KLF13: variants seen among roughly 807,000 people sequenced by gnomAD.
The protein encoded by KLF13 is Krueppel-like factor 13.
KLF13 carries 8 observed loss-of-function variants against 16.7 expected under a neutral mutation model. The ratio of observed to expected loss-of-function variants is 0.48; its 90% CI spans 0.28 to 0.87. The LOEUF (loss-of-function observed/expected upper bound fraction) is 0.87, where lower values mean the gene tolerates loss of function less well. KLF13 is among the 40% of genes least tolerant of loss of function. The pLI is 0.10. For synonymous variants in KLF13, 245 were observed against 208.4 expected (o/e 1.18, Z -1.51); for missense variants, 447 against 452.2 (o/e 0.99, Z 0.10).
At chr15:31,410,251 T>C (rs2040175806) in intron 1 of KLF13, among the ~76,000 whole-genome samples, 1 of 151,634 alleles carries the variant, frequency 6.6e-6, no homozygotes, top group Admixed American at 6.6e-5. Context: ...GAGTTATAAA[T>C]AATAAGGCAA....
chr15:31,425,312 C>A (rs2040387754), intron 1 of KLF13, among the ~76,000 whole-genome samples: 1 of 152,046 alleles, frequency 6.6e-6, no homozygotes, highest in South Asian at 2.1e-4. Flanking sequence ...CCTAAAGAAT[C>A]CTAAGGAATA....
At chr15:31,418,580 T>G (rs2040284258) in intron 1 of KLF13, among the ~76,000 whole-genome samples, 1 of 152,092 alleles carries the variant, frequency 6.6e-6, no homozygotes, top group African/African-American at 2.4e-5. Flanking sequence ...ATATGAAAAG[T>G]AGAGGACATA....
At chr15:31,336,428 T>C (rs1216286093) in intron 1 of KLF13, among the ~76,000 whole-genome samples, 1 of 152,136 alleles carries the variant, frequency 6.6e-6, no homozygotes, top group African/African-American at 2.4e-5. Flanking sequence ...CTAACAGGTA[T>C]GCATGGGTTA....
intron 1 of KLF13, among the ~76,000 whole-genome samples, chr15:31,355,964 C>T (rs187431999): frequency 6.6e-6 from 1 of 152,246 alleles, no homozygotes; most frequent in African/African-American, 2.4e-5. Flanking sequence ...CCCCTGCCAT[C>T]TGCTTCTTGG....
chr15:31,368,514 A>T (rs2140963666), intron 1 of KLF13, among the ~76,000 whole-genome samples: 1 of 152,334 alleles, frequency 6.6e-6, no homozygotes, highest in Admixed American at 6.5e-5. Context: ...ACTATATTTA[A>T]ACACTTCTTC....
chr15:31,330,278 C>T (rs917846897), intron 1 of KLF13, among the ~76,000 whole-genome samples: 1 of 152,162 alleles, frequency 6.6e-6, no homozygotes, highest in African/African-American at 2.4e-5. Flanking sequence ...ATTGTGGGGT[C>T]TCTGCAGTCA....
downstream of KLF13, among the ~76,000 whole-genome samples, chr15:31,405,409 C>G (rs1460685517): frequency 3.3e-5 from 5 of 152,224 alleles, no homozygotes; most frequent in Admixed American, 2.6e-4. Flanking sequence ...GGTCTACGAA[C>G]CAGGAAGAGG....
chr15:31,385,486 A>AT, intron 1 of KLF13, among the ~76,000 whole-genome samples: 1 of 152,302 alleles, frequency 6.6e-6, no homozygotes, highest in South Asian at 2.1e-4. Context: ...TATTGGTGCC[A>AT]TTTTTCCAAC....
chr15:31,371,039 G>C (rs1037192183), intron 1 of KLF13, among the ~76,000 whole-genome samples: 1 of 152,152 alleles, frequency 6.6e-6, no homozygotes, highest in Non-Finnish European at 1.5e-5. Context: ...ATGGGGGTGA[G>C]AGGGGATGAG....
At chr15:31,381,892 T>C (rs2039731655), downstream of KLF13, among the ~76,000 whole-genome samples, 1 of 152,206 alleles carries the variant, frequency 6.6e-6, no homozygotes, top group African/African-American at 2.4e-5. Context: ...TGCACAGCCG[T>C]TGCTCAGGGC....
intron 1 of KLF13, among the ~76,000 whole-genome samples, chr15:31,332,935 G>C (rs540073560): frequency 6.6e-6 from 1 of 152,306 alleles, no homozygotes; most frequent in Non-Finnish European, 1.5e-5. Flanking sequence ...CAATCCCTGA[G>C]GTCTGCATGA....
At chr15:31,400,794 G>A (rs919824150) in intron 2 of KLF13, among the ~76,000 whole-genome samples, 4 of 152,074 alleles carry the variant, frequency 2.6e-5, no homozygotes, top group Non-Finnish European at 2.9e-5. Context: ...ACAATGCCTC[G>A]GACCAGAGTC....
intron 1 of KLF13, among the ~76,000 whole-genome samples, chr15:31,426,767 G>A (rs1291975499): frequency 1.3e-5 from 2 of 152,180 alleles, no homozygotes; most frequent in African/African-American, 4.8e-5. Flanking sequence ...TGTTTGTGAG[G>A]GTGTTTCCAG....
intron 1 of KLF13, among the ~76,000 whole-genome samples, chr15:31,342,383 G>A (rs891737006): frequency 2.0e-5 from 3 of 152,206 alleles, no homozygotes; most frequent in African/African-American, 4.8e-5. Flanking sequence ...GCAGTGCCCT[G>A]CTGGGTGCCC....
chr15:31,404,097 T>C (rs913966009), exon 3 of KLF13: 7 of 152,184 alleles, frequency 4.6e-5, no homozygotes, highest in African/African-American at 1.7e-4. Flanking sequence ...CCAAGTAGCA[T>C]AAGCCAAGCA....
chr15:31,328,030 T>TC, intron 1 of KLF13, among the ~76,000 whole-genome samples: 1 of 143,292 alleles, frequency 7.0e-6, no homozygotes, highest in African/African-American at 2.6e-5. Context: ...GCACGCCCCC[T>TC]CCCCGGGCGC....
At chr15:31,349,843 T>A (rs1456966883) in intron 1 of KLF13, among the ~76,000 whole-genome samples, 1 of 152,186 alleles carries the variant, frequency 6.6e-6, no homozygotes, top group Non-Finnish European at 1.5e-5. Context: ...CCTGCCACTT[T>A]GAACTTGGGT....
chr15:31,398,797 G>A (rs1398530666), intron 2 of KLF13, among the ~76,000 whole-genome samples: 1 of 152,142 alleles, frequency 6.6e-6, no homozygotes, highest in Non-Finnish European at 1.5e-5. Context: ...TCTCCCCCAG[G>A]GCAGCTATAG....
intron 1 of KLF13, among the ~76,000 whole-genome samples, chr15:31,351,451 T>C (rs2039215376): frequency 7.2e-6 from 1 of 139,770 alleles, no homozygotes; most frequent in African/African-American, 2.9e-5. Context: ...CCCAAGGCAC[T>C]GACTGGTTTC....
Sources: allele counts gnomAD v4.1 joint callset (sites outside exome capture counted in the v4.1 genomes callset), GRCh38; gene constraint gnomAD v4.1.1; transcripts MANE v1.5; gene names NCBI Gene and HGNC (gene_info 2026-07-23, HGNC 2026-07-21).